DNHD1: variants seen among roughly 807,000 people sequenced by gnomAD.
DNHD1 encodes dynein heavy chain domain 1, also known as dynein heavy chain domain-containing protein 1.
DNHD1 carries 383 observed loss-of-function variants against 458.1 expected under a neutral mutation model. The ratio of observed to expected loss-of-function variants is 0.84; its 90% confidence interval spans 0.77 to 0.91. The LOEUF (loss-of-function observed/expected upper bound fraction) is 0.91, where lower values mean the gene tolerates loss of function less well. Ranked by LOEUF, DNHD1 falls within the 40% of genes least tolerant of loss-of-function variation. DNHD1 has a pLI of 0.00. For missense variants in DNHD1, 5,336 were observed against 5,866.1 expected, an observed-to-expected ratio of 0.91 and a Z score of 2.95; for synonymous variants, 2,203 against 2,376.9, an observed-to-expected ratio of 0.93 and a Z score of 2.13.
chr11:6,534,141 G>C lies in DNHD1; in HGVS notation c.2966G>C (p.Ser989Thr), dbSNP rs1054760675. The C allele has an allele frequency of 2.1e-5, 33 of 1,551,298 alleles. No individual in the cohort carries two copies. The highest frequency in any genetic ancestry group is 2.9e-5 in the Non-Finnish European group (33 of 1,146,934). ...TTCCAGAACACAGTCAGCGACCTCA[G>C]TGAACTGCACCACGCCTATGCCATC... Reference protein sequence around the residue: ...RQFQNTVSDLSELHHAYAIFT... With the variant: ...RQFQNTVSDLTELHHAYAIFT... Residue 989 changes from serine (S) to threonine (T), a missense_variant, in exon 14 of 43, where the codon AGT (serine) becomes ACT (threonine). Physicochemically the swap from Ser to Thr is moderately conservative, Grantham distance 58 (BLOSUM62 1). Transcript: ENST00000254579.
At chr11:6,564,162 C>G (rs1184075614) in intron 31 of DNHD1, 38 bp downstream of exon 31, 1 of 1,537,814 alleles carries the variant, frequency 6.5e-7, no homozygotes, top group Non-Finnish European at 8.8e-7. Context: ...CCCAAAGTTC[C>G]TTTTATGCCG....
chr11:6,529,705 C>A (rs1301876447), intron 12 of DNHD1, among the ~76,000 whole-genome samples: 1 of 152,164 alleles, frequency 6.6e-6, no homozygotes. Context: ...GCCACCTGTA[C>A]TGGGGAAGGC....
At chr11:6,518,561 C>T (rs1852540004) in intron 7 of DNHD1, among the ~76,000 whole-genome samples, 1 of 152,078 alleles carries the variant, frequency 6.6e-6, no homozygotes, top group African/African-American at 2.4e-5. Flanking sequence ...CTACCCCATG[C>T]CAGGCACTGT....
intron 16 of DNHD1, 28 bp from the exon 17 acceptor site, chr11:6,539,191 T>C (rs1853035394): frequency 1.4e-6 from 2 of 1,473,558 alleles, no homozygotes; most frequent in East Asian, 2.5e-5. Context: ...TACTGGGTGT[T>C]GCTCTGACTT....
intron 18 of DNHD1, 143 bp from the exon 19 acceptor site, chr11:6,543,978 A>AGG: frequency 1.3e-6 from 1 of 767,598 alleles, no homozygotes; most frequent in South Asian, 1.9e-5. Context: ...AAAAAAAAAA[A>AGG]AAAAAAAGGG....
At chr11:6,568,643 C>G in intron 38 of DNHD1, 22 bp from the exon 39 acceptor site, 1 of 1,613,904 alleles carries the variant, frequency 6.2e-7, no homozygotes. Flanking sequence ...TGTGCTGACT[C>G]AGCACTCTCC....
rs1428306800 is a variant in DNHD1, at chr11:6,548,943, T to G, written c.7387+10T>G. On this transcript the variant is annotated intron_variant, in intron 24 of 42. Transcript: ENST00000254579. The surrounding 1 kb of genome is among the most constrained non-coding windows in gnomAD (Gnocchi z 4.4). ...CACCTAGCCACTTCTGGTGAGGAGC[T>G]GCGAAGAGGGAAGGAAGGAGCTACT... 6.4e-7 allele frequency: 1 copy of G among 1,550,710 alleles called. No individual in the cohort carries two copies. The highest frequency in any genetic ancestry group is 2.4e-5 in the East Asian group (1 of 40,938).
At chr11:6,503,435 C>T (rs1852176166) in intron 4 of DNHD1, 2 of 152,324 alleles carry the variant, frequency 1.3e-5, no homozygotes, top group Admixed American at 1.3e-4. Flanking sequence ...ACTCAAGAGA[C>T]ATTTATTCAC....
At chr11:6,553,779 TTTAA>T (rs1270672903) in intron 24 of DNHD1, among the ~76,000 whole-genome samples, 2 of 151,442 alleles carry the variant, frequency 1.3e-5, no homozygotes, top group Admixed American at 6.6e-5. Flanking sequence ...TAGGAATAAA[TTTAA>T]TTAAAAGCAT....
chr11:6,567,617 C>A lies in DNHD1; in HGVS notation c.12108C>A (p.Ser4036Arg), dbSNP rs1853737564. 6.2e-7 allele frequency: 1 copy of A among 1,613,828 alleles called. No individual in the cohort carries two copies. The highest frequency in any genetic ancestry group is 1.7e-5 in the Admixed American group (1 of 60,018). Reference sequence around the variant, plus strand: ...CTGGGCCAGGGCCTGAGCCACTCAGCCTCCTCCAGAAGCTGATCCTGTGGC... The same window carrying A: ...CTGGGCCAGGGCCTGAGCCACTCAGACTCCTCCAGAAGCTGATCCTGTGGC... ...PAPGPGPEPL[S>R]LLQKLILWRV... The change falls in exon 36 of 43, where the codon AGC becomes AGA. Residue 4036 changes from serine (S) to arginine (R), a missense_variant. Ser to Arg is a moderately radical substitution (Grantham distance 110). Coordinates refer to ENST00000254579, the MANE Select transcript of DNHD1 (RefSeq NM_144666.3).
chr11:6,525,536 C>A (rs1852693225), intron 10 of DNHD1, among the ~76,000 whole-genome samples: 1 of 152,210 alleles, frequency 6.6e-6, no homozygotes, highest in East Asian at 1.9e-4. Flanking sequence ...AATCTTAGTT[C>A]TGTAAGTAAC....
Position 6,559,120 on chromosome 11 carries a change from C to T in DNHD1, c.9416+14C>T, listed in dbSNP as rs1178233340. The T allele has an allele frequency of 6.4e-7, 1 of 1,551,692 alleles. No individual in the cohort carries two copies. The highest frequency in any genetic ancestry group is 8.7e-7 in the Non-Finnish European group (1 of 1,146,970). ...CAAGGCCCAGCGGTGAGTGTCCCGT[C>T]CCCTGCAGTGTACCTCCTTCTGCTC... On this transcript the variant is annotated intron_variant, in intron 27 of 42. Coordinates refer to ENST00000254579, the MANE Select transcript of DNHD1 (RefSeq NM_144666.3).
At position 6,571,217 on chromosome 11, in the gene DNHD1, G is replaced by A. The variant is rs777659907; in HGVS notation, c.13705G>A (p.Gly4569Ser). ...ACTGTTGGTTCGTTACTTGGGCGTGGGCGCGGACGCGAGCAGTGATGTACC... is the reference window on the plus strand; with the variant it reads ...ACTGTTGGTTCGTTACTTGGGCGTGAGCGCGGACGCGAGCAGTGATGTACC... The part of the protein sequence containing the change: ...GQLLVRYLGV[G>S]ADASSDVPER... Residue 4569 changes from glycine to serine, a missense_variant, in exon 42 of 43, where the codon GGC becomes AGC. By Grantham distance (56) the Gly-to-Ser change is moderately conservative (BLOSUM62 0). This residue lies in a region of DNHD1 where 698 missense variants were observed against 664.9 expected (regional missense o/e 1.05). Coordinates refer to ENST00000254579, the MANE Select transcript of DNHD1 (RefSeq NM_144666.3). The surrounding 1 kb of genome is among the most constrained non-coding windows in gnomAD (Gnocchi z 5.0). 1.2e-6 allele frequency: 2 copies of A among 1,609,012 alleles called. No individual in the cohort carries two copies. Among genetic ancestry groups the A allele is most frequent in the South Asian group, 1.1e-5 (1 of 90,890 alleles).
At position 6,544,825 on chromosome 11, in the gene DNHD1, C is replaced by T. The variant is rs1853172229; in HGVS notation, c.3886C>T (p.Arg1296Ter). The change falls in exon 21 of 43, where the codon CGA (arginine) becomes TGA (stop). Residue 1296 changes from arginine (R) to a stop codon, truncating the protein, a stop_gained. Transcript: ENST00000254579. LOFTEE classifies it high-confidence loss of function. ...SRFKVMDDQYRTLMRISVADP... is the reference protein window; with the variant it reads ...SRFKVMDDQY ...TTTCAAGGTCATGGATGACCAGTAT[C>T]GAACCCTGATGCGCATCTCTGTAGC... is the stretch of plus-strand genomic sequence containing the variant. 4 of 1,551,664 alleles carry T rather than the reference C, an allele frequency of 2.6e-6. No homozygotes were observed. Among genetic ancestry groups the T allele is most frequent in the Non-Finnish European group, 3.5e-6 (4 of 1,146,972 alleles).
At position 6,545,232 on chromosome 11, in the gene DNHD1, G is replaced by A. The variant is rs879064833; in HGVS notation, c.4293G>A (p.Glu1431=). Residue 1431 remains glutamate, a synonymous_variant, in exon 21 of 43, where the codon GAG becomes GAA. Coordinates refer to ENST00000254579, the MANE Select transcript of DNHD1 (RefSeq NM_144666.3). The surrounding 1 kb of genome is among the most constrained non-coding windows in gnomAD (Gnocchi z 4.9). Reference sequence around the variant, plus strand: ...CAGTGCTAGGGGCAGGTGGGGAGGAGGTGAAGCTGCAGGGTCCCCTTCCTC... The same window carrying A: ...CAGTGCTAGGGGCAGGTGGGGAGGAAGTGAAGCTGCAGGGTCCCCTTCCTC... The part of the protein sequence containing the change: ...ALAVLGAGGE[E]VKLQGPLPLH... 1 of 1,551,812 alleles carries A rather than the reference G, an allele frequency of 6.4e-7. No individual in the cohort carries two copies. The highest frequency in any genetic ancestry group is 2.0e-5 in the Admixed American group (1 of 51,014).
Position 6,568,053 on chromosome 11 carries a change from C to T in DNHD1, c.12352-3C>T, listed in dbSNP as rs776725710. 1 of 1,560,730 alleles carries T rather than the reference C, an allele frequency of 6.4e-7. No individual in the cohort carries two copies. Among genetic ancestry groups the T allele is most frequent in the Admixed American group, 1.9e-5 (1 of 53,026 alleles). ...ATGCTGCCATCTCTTTTTTGGTCCC[C>T]AGGGGCAGAAGCAACTGCAGGTGAT... On this transcript the variant is annotated splice_polypyrimidine_tract_variant and splice_region_variant and intron_variant, in intron 36 of 42. Transcript: ENST00000254579.
At chr11:6,508,610 T>G (rs1852272278) in intron 4 of DNHD1, 2 of 424,708 alleles carry the variant, frequency 4.7e-6, no homozygotes, top group Non-Finnish European at 8.5e-6. Context: ...TCTGATGGGA[T>G]GTAAGATATC....
In DNHD1 at chr11:6,567,012, G is replaced by C. The variant is rs745651730; in HGVS notation, c.11503G>C (p.Glu3835Gln). 32 of 1,613,926 alleles carry C rather than the reference G, an allele frequency of 2.0e-5. No homozygotes were observed. Among genetic ancestry groups the C allele is most frequent in the Non-Finnish European group, 5.9e-6 (7 of 1,179,914 alleles). Residue 3835 changes from glutamate to glutamine, a missense_variant, in exon 36 of 43, where the codon GAG (glutamate) becomes CAG (glutamine). This residue lies in a region of DNHD1 where 695 missense variants were observed against 804.2 expected (regional missense o/e 0.86). Transcript: ENST00000254579. Reference protein sequence around the residue: ...KLCQLRAHCEELEGQKLQEMV... With the variant: ...KLCQLRAHCEQLEGQKLQEMV... Reference sequence around the variant, plus strand: ...ATGCCAGCTGCGTGCTCATTGTGAAGAGTTAGAAGGGCAGAAACTACAGGA... The same window carrying C: ...ATGCCAGCTGCGTGCTCATTGTGAACAGTTAGAAGGGCAGAAACTACAGGA...
At chr11:6,503,192 A>C in intron 4 of DNHD1, 2 of 382,312 alleles carry the variant, frequency 5.2e-6, no homozygotes, top group East Asian at 9.0e-5. Flanking sequence ...TTTTTATTCT[A>C]TCCTAGAATG....
Sources: gnomAD v4.1 joint callset for allele counts (sites outside exome capture counted in the v4.1 genomes callset) on GRCh38, gnomAD v4.1.1 for gene constraint, gnomAD v4.1.1 regional missense constraint, Gnocchi (gnomAD v3.1) non-coding constraint, MANE v1.5 for transcripts, NCBI Gene and HGNC (gene_info 2026-07-23, HGNC 2026-07-21) for gene names.